SLC10A2: variants seen among roughly 807,000 people sequenced by gnomAD.
SLC10A2 encodes the protein ileal sodium/bile acid cotransporter.
SLC10A2 carries 34 observed loss-of-function variants against 27.1 expected under a neutral mutation model. The observed-to-expected ratio is 1.26, with a 90% confidence interval of 0.96 to 1.67. The LOEUF is 1.67. SLC10A2 is among the 40% of genes most tolerant of loss of function. The probability of loss-of-function intolerance (pLI) is 0.00; values close to 1 mark genes in which losing one functional copy is unlikely to be tolerated. For synonymous variants in SLC10A2, 205 were observed against 174.0 expected, an observed-to-expected ratio of 1.18 and a Z score of -1.40; for missense variants, 530 against 444.4, an observed-to-expected ratio of 1.19 and a Z score of -1.73.
chr13:103,053,117 T>TGA (rs1299586511), intron 2 of SLC10A2, among the ~76,000 whole-genome samples: 21 of 147,314 alleles, frequency 1.4e-4, no homozygotes, highest in Non-Finnish European at 2.7e-4. Context: ...TGTGTGTGTG[T>TGA]GTGTGTGTGT....
intron 2 of SLC10A2, among the ~76,000 whole-genome samples, chr13:103,056,033 G>A (rs1875926875): frequency 6.6e-6 from 1 of 152,232 alleles, no homozygotes; most frequent in South Asian, 2.1e-4. Flanking sequence ...AGCTTAGATT[G>A]TGATGTCTGG....
At chr13:103,047,247 G>A (rs749889227) in intron 5 of SLC10A2, among the ~76,000 whole-genome samples, 1 of 152,160 alleles carries the variant, frequency 6.6e-6, no homozygotes, top group Non-Finnish European at 1.5e-5. Context: ...ACAGCTGAGA[G>A]AGATAATGAC....
chr13:103,065,251 G>A (rs1395053024), intron 1 of SLC10A2, among the ~76,000 whole-genome samples: 1 of 152,160 alleles, frequency 6.6e-6, no homozygotes, highest in African/African-American at 2.4e-5. Flanking sequence ...GTAGGAAGTG[G>A]AGAAAACGTT....
chr13:103,057,875 T>A (rs1328004511), intron 2 of SLC10A2, among the ~76,000 whole-genome samples: 6 of 149,344 alleles, frequency 4.0e-5, no homozygotes, highest in Non-Finnish European at 5.9e-5. Context: ...TGAGACTCCA[T>A]CTCAAAAAAA....
At chr13:103,064,103 T>A (rs17275126) in intron 1 of SLC10A2, among the ~76,000 whole-genome samples, 3,230 of 152,296 alleles carry the variant, frequency 0.021, 37 homozygotes, top group Non-Finnish European at 0.036. Flanking sequence ...GTGTGCAGTG[T>A]CTTTTATTGG....
intron 1 of SLC10A2, among the ~76,000 whole-genome samples, chr13:103,060,376 C>T (rs1483176689): frequency 3.0e-5 from 4 of 131,216 alleles, no homozygotes; most frequent in Non-Finnish European, 6.4e-5. Context: ...CTGGTTGCTA[C>T]TACCATTTTT....
At chr13:103,064,565 C>G (rs1052487367) in intron 1 of SLC10A2, among the ~76,000 whole-genome samples, 2 of 152,102 alleles carry the variant, frequency 1.3e-5, no homozygotes, top group Non-Finnish European at 1.5e-5. Context: ...GCCCAATGTT[C>G]CAAGTAGTTC....
At chr13:103,049,879 A>G (rs1230298709) in intron 4 of SLC10A2, among the ~76,000 whole-genome samples, 2 of 152,194 alleles carry the variant, frequency 1.3e-5, no homozygotes, top group Non-Finnish European at 2.9e-5. Context: ...GGTGGCTCAC[A>G]CCAGTAATCT....
chr13:103,066,093 C>A lies in SLC10A2; in HGVS notation c.157G>T (p.Val53Leu). Residue 53 changes from valine (V) to leucine (L), a missense_variant, in exon 1 of 6, where the codon GTG becomes TTG. Physicochemically the swap from Val to Leu is conservative, Grantham distance 32 (BLOSUM62 1). Transcript: ENST00000245312. ...TGCCCTAGAAATTTCTTGATTTCCA[C>A]GTTGCATCCCATGGAGAACATCACC... ...ALVMFSMGCN[V>L]EIKKFLGHIK... The A allele has an allele frequency of 2.5e-6, 4 of 1,614,174 alleles. No individual in the cohort carries two copies. Among genetic ancestry groups the A allele is most frequent in the Non-Finnish European group, 3.4e-6 (4 of 1,180,018 alleles).
intron 5 of SLC10A2, among the ~76,000 whole-genome samples, chr13:103,048,050 G>C (rs1209682179): frequency 7.9e-5 from 12 of 152,234 alleles, no homozygotes; most frequent in Admixed American, 7.9e-4. Flanking sequence ...TGACATTCAA[G>C]ACAGTAGTGC....
At chr13:103,050,812 T>A (rs1020239314) in intron 4 of SLC10A2, among the ~76,000 whole-genome samples, 19 of 152,270 alleles carry the variant, frequency 1.2e-4, no homozygotes, top group Middle Eastern at 6.8e-3. Flanking sequence ...CTGTTATGGA[T>A]TGATTATGTC....
At position 103,045,996 on chromosome 13, in the gene SLC10A2, C is replaced by T. The variant is rs1875597837; in HGVS notation, c.*137G>A. 1 of 1,000,822 alleles carries T rather than the reference C, an allele frequency of 1.0e-6. No individual in the cohort carries two copies. The highest frequency in any genetic ancestry group is 1.6e-5 in the African/African-American group (1 of 62,090). 62.0% of individuals were successfully genotyped at this position (1,000,822 alleles called of 1,614,324 possible). A position where few individuals can be genotyped will look rare whatever the true frequency, so the allele number is the denominator to read the frequency against. Reference sequence around the variant, plus strand: ...GGCCACCAGTCACTTGGTACTGAAACCAATACATGAATTCCAATGAAATTC... The same window carrying T: ...GGCCACCAGTCACTTGGTACTGAAATCAATACATGAATTCCAATGAAATTC... On this transcript the variant is annotated 3_prime_UTR_variant, in exon 6 of 6. Transcript: ENST00000245312.
chr13:103,056,116 G>T (rs1875930057), intron 2 of SLC10A2, among the ~76,000 whole-genome samples: 1 of 152,210 alleles, frequency 6.6e-6, no homozygotes, highest in Non-Finnish European at 1.5e-5. Context: ...TCCCTCCATT[G>T]TTCAGGTGTG....
At chr13:103,058,183 G>A in intron 2 of SLC10A2, 81 bp downstream of exon 2, 2 of 862,534 alleles carry the variant, frequency 2.3e-6, no homozygotes, top group Non-Finnish European at 4.0e-6. Context: ...GGTCAGGTGT[G>A]AGCCTGGTCT....
rs1876282072 is a variant in SLC10A2, at chr13:103,066,332, A to G, written c.-83T>C. The stretch of plus-strand genomic sequence containing the variant: ...GCTCTGCTGCTGGTTGAGTTAAGCA[A>G]CGTTTACTTCTACCCCATCAAACTT... On this transcript the variant is annotated 5_prime_UTR_variant, in exon 1 of 6. Coordinates refer to ENST00000245312, the MANE Select transcript of SLC10A2 (RefSeq NM_000452.3). The G allele has an allele frequency of 1.4e-6, 2 of 1,472,120 alleles. No individual in the cohort carries two copies. Among genetic ancestry groups the G allele is most frequent in the Non-Finnish European group, 1.8e-6 (2 of 1,103,028 alleles). The allele number at this position is 1,472,120 out of a possible 1,614,324, so 91.2% of individuals were successfully genotyped here.
rs552240324 is a variant in SLC10A2 at position 103,050,079 on chromosome 13, G to T, written c.762-633C>A. Reference sequence around the variant, plus strand: ...AGGCTAAGGCAGGAGGATCACTTGAGCCAAGGCTTCAGTGAGCTATGATTG... The same window carrying T: ...AGGCTAAGGCAGGAGGATCACTTGATCCAAGGCTTCAGTGAGCTATGATTG... On this transcript the variant is annotated intron_variant, in intron 4 of 5. Coordinates refer to ENST00000245312, the MANE Select transcript of SLC10A2 (RefSeq NM_000452.3). Among the ~76,000 whole-genome samples the T allele has an allele frequency of 1.1e-3, 160 of 152,252 alleles. 2 individuals carry two copies. In the South Asian group the frequency reaches 0.026, roughly 25 times the overall value.
At chr13:103,050,279 T>C (rs1414334531) in intron 4 of SLC10A2, among the ~76,000 whole-genome samples, 1 of 152,178 alleles carries the variant, frequency 6.6e-6, no homozygotes, top group Non-Finnish European at 1.5e-5. Context: ...CCGGGCAGTG[T>C]GTGGTCGGAT....
intron 5 of SLC10A2, among the ~76,000 whole-genome samples, chr13:103,046,718 C>T (rs1021371416): frequency 6.6e-6 from 1 of 152,186 alleles, no homozygotes; most frequent in South Asian, 2.1e-4. Flanking sequence ...TTCAATCTTT[C>T]CCCCGGAGAG....
intron 4 of SLC10A2, 74 bp downstream of exon 4, chr13:103,051,183 A>G: frequency 6.8e-7 from 1 of 1,479,864 alleles, no homozygotes; most frequent in Admixed American, 1.7e-5. Flanking sequence ...GTTCTGTCTT[A>G]TGGCACCTCT....
Sources: gnomAD v4.1 joint callset for allele counts (sites outside exome capture counted in the v4.1 genomes callset) on GRCh38, gnomAD v4.1.1 for gene constraint, MANE v1.5 for transcripts, NCBI Gene and HGNC (gene_info 2026-07-23, HGNC 2026-07-21) for gene names.